POFUT3: variants seen among roughly 807,000 people sequenced by gnomAD.
The protein encoded by POFUT3 is GDP-fucose protein O-fucosyltransferase 3.
the POFUT3 span, among the ~76,000 whole-genome samples, chr8:33,318,450 G>A: frequency 7.2e-6 from 1 of 139,354 alleles, no homozygotes; most frequent in Non-Finnish European, 1.5e-5. Context: ...TTATATGTGT[G>A]TGTGTATGAA....
At chr8:33,435,937 C>A in the POFUT3 span, among the ~76,000 whole-genome samples, 1 of 151,616 alleles carries the variant, frequency 6.6e-6, no homozygotes, top group African/African-American at 2.4e-5. Flanking sequence ...AAAAAAAGAC[C>A]CAGGGGCAGT....
chr8:33,349,809 T>G, the POFUT3 span, among the ~76,000 whole-genome samples: 7 of 152,218 alleles, frequency 4.6e-5, no homozygotes, highest in Non-Finnish European at 1.0e-4. Context: ...AATAGCGGGA[T>G]TGCTGGATCA....
chr8:33,422,232 C>T, the POFUT3 span, among the ~76,000 whole-genome samples: 1 of 151,100 alleles, frequency 6.6e-6, no homozygotes, highest in Non-Finnish European at 1.5e-5. Flanking sequence ...GCCTTGTTTC[C>T]CCTTGACTTC....
chr8:33,331,420 A>G, the POFUT3 span, among the ~76,000 whole-genome samples: 1 of 152,192 alleles, frequency 6.6e-6, no homozygotes, highest in African/African-American at 2.4e-5. Context: ...TAGAGAAAGA[A>G]TCATGGAAGG....
the POFUT3 span, among the ~76,000 whole-genome samples, chr8:33,318,923 CATAAATATATTTTACATATATTTATA>C: frequency 8.2e-5 from 2 of 24,282 alleles, 1 homozygote; most frequent in African/African-American, 6.8e-4. Flanking sequence ...TTATATAATA[CATAAATATATTTTACATATATTTATA>C]TAATACATAA....
chr8:33,358,515 T>A, the POFUT3 span, among the ~76,000 whole-genome samples: 1 of 152,184 alleles, frequency 6.6e-6, no homozygotes. Flanking sequence ...ATTGTATCAG[T>A]GTTCAATTTA....
the POFUT3 span, among the ~76,000 whole-genome samples, chr8:33,376,364 A>G: frequency 6.6e-6 from 1 of 152,194 alleles, no homozygotes; most frequent in Non-Finnish European, 1.5e-5. Context: ...TTGGCTCAAC[A>G]TATTTTCTTT....
the POFUT3 span, among the ~76,000 whole-genome samples, chr8:33,354,016 ACT>A: frequency 6.6e-6 from 1 of 151,842 alleles, no homozygotes; most frequent in Admixed American, 6.6e-5. Flanking sequence ...TGCATTTTTT[ACT>A]CTCTTTCTTC....
At chr8:33,466,875 C>T in the POFUT3 span, among the ~76,000 whole-genome samples, 1 of 152,110 alleles carries the variant, frequency 6.6e-6, no homozygotes, top group Non-Finnish European at 1.5e-5. Context: ...GAGGCCAAGG[C>T]GGGTGGATCA....
chr8:33,421,634 C>G, the POFUT3 span, among the ~76,000 whole-genome samples: 1 of 152,128 alleles, frequency 6.6e-6, no homozygotes, highest in Non-Finnish European at 1.5e-5. Context: ...ACTGTACATG[C>G]CTCGAATCAA....
chr8:33,309,159 AAAAAAAAAATAT>A, the POFUT3 span, among the ~76,000 whole-genome samples: 1 of 53,890 alleles, frequency 1.9e-5, no homozygotes, highest in Non-Finnish European at 2.9e-5. Flanking sequence ...AAAAAAAAAA[AAAAAAAAAATAT>A]ATATATATAT....
chr8:33,370,205 A>AAAAAAT, the POFUT3 span, among the ~76,000 whole-genome samples: 2 of 143,986 alleles, frequency 1.4e-5, no homozygotes, highest in Admixed American at 6.9e-5. Flanking sequence ...AAAAAAAAAA[A>AAAAAAT]TTGTCCAGGC....
At chr8:33,388,329 CTT>C in the POFUT3 span, among the ~76,000 whole-genome samples, 16 of 83,866 alleles carry the variant, frequency 1.9e-4, no homozygotes, top group African/African-American at 5.7e-4. Flanking sequence ...AAGCAGAACT[CTT>C]TTTTTTTTTT....
chr8:33,436,837 G>A, the POFUT3 span: 1 of 424,380 alleles, frequency 2.4e-6, no homozygotes, highest in Non-Finnish European at 4.3e-6. Context: ...TGATGCTGAA[G>A]TTTAGGGTAT....
the POFUT3 span, among the ~76,000 whole-genome samples, chr8:33,448,635 T>C: frequency 6.6e-6 from 1 of 152,194 alleles, no homozygotes; most frequent in East Asian, 1.9e-4. Flanking sequence ...TCTCTATTCA[T>C]AAAGACTCTA....
At chr8:33,310,522 C>G in the POFUT3 span, among the ~76,000 whole-genome samples, 2 of 151,902 alleles carry the variant, frequency 1.3e-5, no homozygotes, top group Non-Finnish European at 2.9e-5. Flanking sequence ...CCAGCTATGG[C>G]CAACATGGCA....
At chr8:33,438,769 TGAAAGGGGTGAATGAGAGCCGAGC>T in the POFUT3 span, among the ~76,000 whole-genome samples, 1 of 151,890 alleles carries the variant, frequency 6.6e-6, no homozygotes, top group South Asian at 2.1e-4. Context: ...GACAGCCAAG[TGAAAGGGGTGAATGAGAGCCGAGC>T]GAAAGGGGAA....
the POFUT3 span, among the ~76,000 whole-genome samples, chr8:33,384,304 T>C: frequency 6.6e-6 from 1 of 152,218 alleles, no homozygotes; most frequent in Non-Finnish European, 1.5e-5. Context: ...GTTGAAGACC[T>C]GATCTACCAG....
chr8:33,472,636 A>C, the POFUT3 span, among the ~76,000 whole-genome samples: 1 of 152,218 alleles, frequency 6.6e-6, no homozygotes, highest in Non-Finnish European at 1.5e-5. Flanking sequence ...CTGGGGGAGA[A>C]CAAGGCAATT....
Sources: gnomAD v4.1 joint callset for allele counts (sites outside exome capture counted in the v4.1 genomes callset) on GRCh38, gnomAD v4.1.1 for gene constraint, MANE v1.5 for transcripts, NCBI Gene and HGNC (gene_info 2026-07-23, HGNC 2026-07-21) for gene names.